FRY: variants seen among roughly 807,000 people sequenced by gnomAD.
The protein encoded by FRY is protein furry homolog.
A neutral mutation model predicts 348.4 loss-of-function variants in FRY; 128 were observed. The observed-to-expected ratio is 0.37, with a 90% CI of 0.32 to 0.43. FRY has a LOEUF of 0.43. Among genes scored for constraint, FRY ranks in the 20% least tolerant of loss-of-function variants. FRY has a pLI of 1.00. For missense variants in FRY, 2,736 were observed against 3,695.2 expected (o/e 0.74, Z 6.73); for synonymous variants, 1,370 against 1,374.7 (o/e 1.00, Z 0.08).
chr13:32,107,067 C>T (rs1163369642), intron 3 of FRY, among the ~76,000 whole-genome samples: 2 of 152,142 alleles, frequency 1.3e-5, no homozygotes, highest in Non-Finnish European at 2.9e-5. Flanking sequence ...TAAGAATAAA[C>T]CTGGAAGGGC....
rs993414582 is a variant in FRY, at chr13:32,097,843, T to C, written c.271-4120T>C. ...GGAATCTTCATAAAATAGATAATGATAATGTTTGAACAACATTTGAATGTA... is the reference window on the plus strand; with the variant it reads ...GGAATCTTCATAAAATAGATAATGACAATGTTTGAACAACATTTGAATGTA... On this transcript the variant is annotated intron_variant, in intron 2 of 60. Transcript: ENST00000542859. Among the ~76,000 whole-genome samples the C allele has an allele frequency of 5.3e-4, 81 of 152,178 alleles. 2 individuals are homozygous for C. The highest frequency in any genetic ancestry group is 1.7e-3 in the African/African-American group (69 of 41,438).
chr13:32,244,009 G>A (rs752228740), intron 46 of FRY, 33 bp from the exon 47 acceptor site: 15 of 1,611,798 alleles, frequency 9.3e-6, no homozygotes, highest in Middle Eastern at 1.7e-4. Context: ...GATCTGGTGT[G>A]TGACTGACTC....
At chr13:32,246,607 G>T (rs575289451) in intron 47 of FRY, among the ~76,000 whole-genome samples, 14 of 152,332 alleles carry the variant, frequency 9.2e-5, no homozygotes, top group African/African-American at 3.4e-4. Context: ...AAGGAGTTTA[G>T]TCAGGGAAGT....
chr13:32,131,462 G>T (rs1879356817), intron 7 of FRY, among the ~76,000 whole-genome samples: 1 of 152,156 alleles, frequency 6.6e-6, no homozygotes, highest in Non-Finnish European at 1.5e-5. Context: ...AAGATGTTGA[G>T]CATCTTACAG....
At chr13:32,059,945 G>A (rs1229226657) in intron 1 of FRY, among the ~76,000 whole-genome samples, 1 of 152,168 alleles carries the variant, frequency 6.6e-6, no homozygotes, top group African/African-American at 2.4e-5. Flanking sequence ...CATCTTTGCT[G>A]GTGTTTAGCT....
chr13:32,291,555 A>G lies in FRY; in HGVS notation c.8580+1812A>G, dbSNP rs557227335. On this transcript the variant is annotated intron_variant, in intron 59 of 60. Coordinates refer to ENST00000542859, the MANE Select transcript of FRY (RefSeq NM_023037.3). ...TGAGTAGCTAGGATTACAGGCATGTACCACCACACCTGGCTAATTTTGTAT... is the reference window on the plus strand; with the variant it reads ...TGAGTAGCTAGGATTACAGGCATGTGCCACCACACCTGGCTAATTTTGTAT... 1.2e-3 allele frequency among the ~76,000 whole-genome samples: 182 copies of G among 151,976 alleles called. 1 individual carries two copies. The highest frequency in any genetic ancestry group is 4.1e-4 in the Non-Finnish European group (28 of 67,942).
At chr13:32,060,844 G>A (rs974961960) in intron 1 of FRY, 2 of 316,692 alleles carry the variant, frequency 6.3e-6, no homozygotes, top group African/African-American at 4.3e-5. Context: ...GTCTTACTGT[G>A]CAGCTAAAAA....
intron 22 of FRY, among the ~76,000 whole-genome samples, chr13:32,179,440 A>T (rs576158605): frequency 2.1e-4 from 31 of 148,514 alleles, no homozygotes; most frequent in African/African-American, 7.0e-4. Flanking sequence ...AGACCGTTAT[A>T]AAAAAAATTT....
At chr13:32,160,984 C>G (rs1881410764) in intron 16 of FRY, among the ~76,000 whole-genome samples, 160 bp from the exon 17 acceptor site, 1 of 152,184 alleles carries the variant, frequency 6.6e-6, no homozygotes. Context: ...TAGAACTGGT[C>G]AAGCTACAAA....
At chr13:32,118,995 A>C (rs1405751352) in intron 4 of FRY, among the ~76,000 whole-genome samples, 1 of 152,170 alleles carries the variant, frequency 6.6e-6, no homozygotes, top group Non-Finnish European at 1.5e-5. Context: ...AGTTGCTGAA[A>C]TTAGATTTTT....
chr13:32,176,505 C>T (rs1882368522), intron 20 of FRY, among the ~76,000 whole-genome samples: 1 of 152,116 alleles, frequency 6.6e-6, no homozygotes, highest in Non-Finnish European at 1.5e-5. Context: ...TTTAGTGGCC[C>T]TGTTCTTGCT....
chr13:32,288,229 G>A (rs923430374), intron 58 of FRY, among the ~76,000 whole-genome samples: 8 of 152,158 alleles, frequency 5.3e-5, no homozygotes, highest in Admixed American at 5.2e-4. Flanking sequence ...TTATTTGCAA[G>A]TCTCTGGCAG....
At chr13:32,077,024 G>A (rs569069839) in intron 1 of FRY, among the ~76,000 whole-genome samples, 225 of 152,292 alleles carry the variant, frequency 1.5e-3, no homozygotes, top group South Asian at 5.2e-3. Flanking sequence ...TAGGTGTTAC[G>A]GAGATGAGAC....
At chr13:32,182,852 AGATTGT>A (rs1400717807) in intron 23 of FRY, 119 bp from the exon 24 acceptor site, 2 of 676,888 alleles carry the variant, frequency 3.0e-6, no homozygotes, top group Non-Finnish European at 5.4e-6. Flanking sequence ...GAGATCAGGG[AGATTGT>A]GATGTCAGAA....
intron 1 of FRY, chr13:32,061,236 T>C: frequency 2.0e-6 from 1 of 507,868 alleles, no homozygotes; most frequent in Non-Finnish European, 4.1e-6. Flanking sequence ...GGAGGACTCT[T>C]CTAAAGGTTT....
chr13:32,183,131 C>T (rs1882808978), intron 24 of FRY, 97 bp downstream of exon 24: 1 of 689,876 alleles, frequency 1.4e-6, no homozygotes, highest in African/African-American at 1.8e-5. Flanking sequence ...ATACAAACCC[C>T]TAACACCTTT....
chr13:32,230,462 T>A (rs573269055), intron 40 of FRY, among the ~76,000 whole-genome samples: 3 of 152,204 alleles, frequency 2.0e-5, no homozygotes, highest in Non-Finnish European at 4.4e-5. Context: ...GGTGATAGCC[T>A]CTAGCTCCAT....
At chr13:32,143,678 T>C (rs928787879) in intron 11 of FRY, among the ~76,000 whole-genome samples, 2 of 152,160 alleles carry the variant, frequency 1.3e-5, no homozygotes, top group African/African-American at 2.4e-5. Flanking sequence ...AAATATAAAC[T>C]GTTATATATA....
intron 29 of FRY, among the ~76,000 whole-genome samples, chr13:32,196,241 T>C (rs1383811984): frequency 1.3e-5 from 2 of 152,244 alleles, no homozygotes; most frequent in Non-Finnish European, 2.9e-5. Context: ...AGTCATTTTC[T>C]AAAGCAAAGA....
Sources: gnomAD v4.1 joint callset for allele counts (sites outside exome capture counted in the v4.1 genomes callset) on GRCh38, gnomAD v4.1.1 for gene constraint, MANE v1.5 for transcripts, NCBI Gene and HGNC (gene_info 2026-07-23, HGNC 2026-07-21) for gene names.